Variants in FRG1 observed in about 807,000 individuals in gnomAD.
The protein encoded by FRG1 is FSHD region gene 1.
FRG1 carries 19 observed loss-of-function variants against 37.0 expected under a neutral mutation model. The ratio of observed to expected loss-of-function variants is 0.51; its 90% CI spans 0.36 to 0.75. FRG1 has a LOEUF of 0.75. Ranked by LOEUF, FRG1 falls within the 30% of genes least tolerant of loss-of-function variation. The pLI, the probability that FRG1 is intolerant of heterozygous loss-of-function variation, is 0.00. For synonymous variants in FRG1, 73 were observed against 96.5 expected (o/e 0.76, Z 1.43); for missense variants, 243 against 301.4 (o/e 0.81, Z 1.44).
chr4:189,956,186 AC>A (rs200367779), intron 5 of FRG1, among the ~76,000 whole-genome samples: 6 of 151,792 alleles, frequency 4.0e-5, no homozygotes, highest in African/African-American at 1.5e-4. Flanking sequence ...ATTCTCTTTT[AC>A]CCCTTCCTCT....
intron 2 of FRG1, among the ~76,000 whole-genome samples, chr4:189,951,272 G>A (rs1026730772): frequency 2.6e-5 from 4 of 151,954 alleles, no homozygotes; most frequent in East Asian, 1.9e-4. Context: ...GGTGGATCAC[G>A]AGGTCGGGAG....
At position 189,954,621 on chromosome 4, in the gene FRG1, G is replaced by T. The variant is rs142950313; in HGVS notation, c.318-416G>T. Among the ~76,000 whole-genome samples, 877 of 147,118 alleles carry T rather than the reference G, an allele frequency of 6.0e-3. 7 individuals are homozygous for T. The highest frequency in any genetic ancestry group is 0.021 in the African/African-American group (844 of 39,750). ...TTTTTTTTTTTTTTAAAGGCACAGAGTCTCACTCTGTCACCCAGGCTGGAG... is the reference window on the plus strand; with the variant it reads ...TTTTTTTTTTTTTTAAAGGCACAGATTCTCACTCTGTCACCCAGGCTGGAG... On this transcript the variant is annotated intron_variant, in intron 4 of 8. Coordinates refer to ENST00000226798, the MANE Select transcript of FRG1 (RefSeq NM_004477.3).
chr4:189,943,797 TA>T (rs371883280), intron 2 of FRG1, among the ~76,000 whole-genome samples: 1 of 152,204 alleles, frequency 6.6e-6, no homozygotes, highest in South Asian at 2.1e-4. Context: ...TTTCCATACA[TA>T]TTTTTTTCTC....
At chr4:189,952,610 T>C (rs1482664118) in intron 3 of FRG1, among the ~76,000 whole-genome samples, 3 of 152,204 alleles carry the variant, frequency 2.0e-5, no homozygotes, top group Non-Finnish European at 4.4e-5. Context: ...TATTCAGACC[T>C]ATTGCCAAAA....
chr4:189,957,507 T>C lies in FRG1; in HGVS notation c.537+5T>C, dbSNP rs79943820. On this transcript the variant is annotated splice_donor_5th_base_variant and intron_variant, in intron 6 of 8. Transcript: ENST00000226798. The stretch of plus-strand genomic sequence containing the variant: ...GGAGAAGAAGAAATGATCAAGGTAA[T>C]GATGACATTTTATACAGATGACTGC... 9.9e-6 allele frequency: 16 copies of C among 1,611,950 alleles called. No homozygotes were observed. In the East Asian group the frequency reaches 3.4e-4, roughly 34 times the overall value.
rs1040187429 is a variant in FRG1 at position 189,940,918 on chromosome 4, C to T, written c.-92C>T. The T allele has an allele frequency of 1.4e-5, 13 of 962,186 alleles. No individual in the cohort carries two copies. The highest frequency in any genetic ancestry group is 2.9e-5 in the South Asian group (2 of 69,784). 59.6% of individuals were successfully genotyped at this position (962,186 alleles called of 1,614,324 possible). On this transcript the variant is annotated 5_prime_UTR_variant, in exon 1 of 9. Coordinates refer to ENST00000226798, the MANE Select transcript of FRG1 (RefSeq NM_004477.3). ...TGTCAGGGAGTGTTTATTTCGCGTC[C>T]GCTTCTGTTTCTCCGCGCCCCTGTG... is the stretch of plus-strand genomic sequence containing the variant.
chr4:189,946,255 A>G (rs1315516986), intron 2 of FRG1, among the ~76,000 whole-genome samples: 1 of 151,430 alleles, frequency 6.6e-6, no homozygotes. Context: ...CCACAATGAA[A>G]GGAGAGGAAT....
chr4:189,945,764 G>T (rs1480499528), intron 2 of FRG1, among the ~76,000 whole-genome samples: 2 of 152,036 alleles, frequency 1.3e-5, no homozygotes, highest in Non-Finnish European at 2.9e-5. Context: ...GTGATACTGG[G>T]TGTCACAAAA....
At chr4:189,945,661 T>G (rs1474689239) in intron 2 of FRG1, among the ~76,000 whole-genome samples, 14 of 151,506 alleles carry the variant, frequency 9.2e-5, no homozygotes, top group South Asian at 2.1e-4. Flanking sequence ...GTGTTTTTTG[T>G]TTTTTTTTAA....
In FRG1 at chr4:189,955,146, C is replaced by G. The variant is rs150472183; in HGVS notation, c.427C>G (p.Gln143Glu). The stretch of plus-strand genomic sequence containing the variant: ...AAGAGAACAATGGGAACCAGTCTTT[C>G]AAAATGTAAGTGCTGTTATTGTTTA... Reference protein sequence around the residue: ...GPREQWEPVFQNGKMALLASN... With the variant: ...GPREQWEPVFENGKMALLASN... Residue 143 changes from glutamine (Q) to glutamate (E), a missense_variant, in exon 5 of 9, where the codon CAA (glutamine) becomes GAA (glutamate). By Grantham distance (29) the Gln-to-Glu change is conservative. This residue lies in a region of FRG1 where 133 missense variants were observed against 199.3 expected (regional missense o/e 0.67). Coordinates refer to ENST00000226798, the MANE Select transcript of FRG1 (RefSeq NM_004477.3). 3 of 1,602,908 alleles carry G rather than the reference C, an allele frequency of 1.9e-6. No homozygotes were observed. Among genetic ancestry groups the G allele is most frequent in the Non-Finnish European group, 2.6e-6 (3 of 1,169,976 alleles).
intron 1 of FRG1, among the ~76,000 whole-genome samples, chr4:189,941,646 C>T (rs190014629): frequency 6.6e-6 from 1 of 152,100 alleles, no homozygotes; most frequent in Admixed American, 6.6e-5. Flanking sequence ...ATCTGAACCT[C>T]CGTTTACACA....
intron 2 of FRG1, among the ~76,000 whole-genome samples, chr4:189,949,417 A>G (rs28633305): frequency 0.029 from 4,479 of 152,298 alleles, 224 homozygotes; most frequent in African/African-American, 0.1. Context: ...TTGAAATTGC[A>G]TTGAGAAAAA....
At chr4:189,957,747 T>A (rs575396110) in intron 6 of FRG1, among the ~76,000 whole-genome samples, 1 of 152,310 alleles carries the variant, frequency 6.6e-6, no homozygotes, top group East Asian at 1.9e-4. Flanking sequence ...GATTAGTATC[T>A]TCTTCTGGTA....
chr4:189,948,346 C>G (rs1736615208), intron 2 of FRG1, among the ~76,000 whole-genome samples: 1 of 152,162 alleles, frequency 6.6e-6, no homozygotes, highest in African/African-American at 2.4e-5. Flanking sequence ...TTTCACTGAG[C>G]TCTGCTAGAT....
At chr4:189,941,845 T>A (rs1391508327) in intron 1 of FRG1, 3 of 442,086 alleles carry the variant, frequency 6.8e-6, no homozygotes, top group South Asian at 4.9e-5. Flanking sequence ...TTGCCCGAGG[T>A]ACATACAAAT....
chr4:189,943,001 C>G (rs1267283005), intron 1 of FRG1, among the ~76,000 whole-genome samples: 1 of 152,224 alleles, frequency 6.6e-6, no homozygotes, highest in Non-Finnish European at 1.5e-5. Flanking sequence ...GCTCTACAAT[C>G]TGCTTTGAAC....
In FRG1 at chr4:189,943,242, G is replaced by C; in HGVS notation, c.103G>C (p.Glu35Gln). The C allele has an allele frequency of 6.2e-7, 1 of 1,608,768 alleles. No homozygotes were observed. The highest frequency in any genetic ancestry group is 8.5e-7 in the Non-Finnish European group (1 of 1,177,222). The change falls in exon 2 of 9, where the codon GAA (glutamate) becomes CAA (glutamine). Residue 35 changes from glutamate (E) to glutamine (Q), a missense_variant. Glu to Gln is a conservative substitution (Grantham distance 29). Transcript: ENST00000226798. Reference protein sequence around the residue: ...KSKDKKRKREEDEETQLDIVG... With the variant: ...KSKDKKRKREQDEETQLDIVG... Reference sequence around the variant, plus strand: ...CAAAGATAAGAAAAGAAAAAGAGAAGAAGATGAAGAAACCCAGCTTGATAT... The same window carrying C: ...CAAAGATAAGAAAAGAAAAAGAGAACAAGATGAAGAAACCCAGCTTGATAT...
In FRG1 at chr4:189,940,921, T is replaced by C. The variant is rs573666609; in HGVS notation, c.-89T>C. On this transcript the variant is annotated 5_prime_UTR_variant, in exon 1 of 9. Coordinates refer to ENST00000226798, the MANE Select transcript of FRG1 (RefSeq NM_004477.3). Reference sequence around the variant, plus strand: ...CAGGGAGTGTTTATTTCGCGTCCGCTTCTGTTTCTCCGCGCCCCTGTGCTG... The same window carrying C: ...CAGGGAGTGTTTATTTCGCGTCCGCCTCTGTTTCTCCGCGCCCCTGTGCTG... The C allele has an allele frequency of 8.0e-5, 81 of 1,011,520 alleles. No individual in the cohort carries two copies. In the Admixed American group the frequency reaches 9.3e-4, roughly 12 times the overall value. 62.7% of individuals were successfully genotyped at this position (1,011,520 alleles called of 1,614,324 possible). A position where few individuals can be genotyped will look rare whatever the true frequency, so the allele number is the denominator to read the frequency against.
At position 189,958,134 on chromosome 4, in the gene FRG1, TTCTC is replaced by T. The variant is rs1162260640; in HGVS notation, c.537+641_537+644del. Among the ~76,000 whole-genome samples the T allele has an allele frequency of 5.3e-3, 801 of 151,734 alleles. 14 individuals carry two copies. The highest frequency in any genetic ancestry group is 0.018 in the African/African-American group (759 of 41,286). Reference sequence around the variant, plus strand: ...TCTCTTTTTCTTGCTTTTCCTCTCTTTCTCTCTCTCTCAACAGCCACATAATATT... The same window carrying T: ...TCTCTTTTTCTTGCTTTTCCTCTCTTTCTCTCTCAACAGCCACATAATATT... On this transcript the variant is annotated intron_variant, in intron 6 of 8. Transcript: ENST00000226798.
Sources: gnomAD v4.1 joint callset for allele counts (sites outside exome capture counted in the v4.1 genomes callset) on GRCh38, gnomAD v4.1.1 for gene constraint, gnomAD v4.1.1 regional missense constraint, MANE v1.5 for transcripts, NCBI Gene and HGNC (gene_info 2026-07-23, HGNC 2026-07-21) for gene names.